Variants in RWDD2B observed in about 807,000 individuals in gnomAD.
The protein encoded by RWDD2B is RWD domain containing 2B, also known as RWD domain-containing protein 2B.
Under a neutral mutation model 33.6 loss-of-function variants are expected in RWDD2B, and 36 were observed. The observed-to-expected ratio is 1.07, with a 90% CI of 0.82 to 1.42. The LOEUF (loss-of-function observed/expected upper bound fraction) is 1.42. Ranked by LOEUF, RWDD2B falls within the 40% of genes most tolerant of loss-of-function variation. The pLI is 0.00. For synonymous variants in RWDD2B, 126 were observed against 133.1 expected (o/e 0.95, Z 0.37); for missense variants, 364 against 377.5 (o/e 0.96, Z 0.30).
In RWDD2B at chr21:29,004,387, C is replaced by T. The variant is rs1287273224; in HGVS notation, c.*2030G>A. 6.6e-6 allele frequency: 1 copy of T among 152,190 alleles called. No homozygotes were observed. The highest frequency in any genetic ancestry group is 1.5e-5 in the Non-Finnish European group (1 of 68,026). 9.4% of individuals were successfully genotyped at this position (152,190 alleles called of 1,614,324 possible). ...GAAAACTTATAAAACTACTCTGTTG[C>T]ATTCTATGTGTTTATGTGACATTTG... On this transcript the variant is annotated 3_prime_UTR_variant, in exon 5 of 5. Coordinates refer to ENST00000493196, the MANE Select transcript of RWDD2B (RefSeq NM_016940.3).
chr21:29,014,681 C>T (rs1191437048), intron 1 of RWDD2B, among the ~76,000 whole-genome samples: 3 of 152,034 alleles, frequency 2.0e-5, no homozygotes, highest in Admixed American at 6.6e-5. Context: ...ATTAGCCGGG[C>T]GTGGTGGCGG....
intron 1 of RWDD2B, among the ~76,000 whole-genome samples, chr21:29,008,872 A>G (rs979357269): frequency 3.3e-5 from 5 of 152,328 alleles, no homozygotes; most frequent in African/African-American, 1.2e-4. Context: ...AGTAGACACC[A>G]CATTCTTCTG....
intron 1 of RWDD2B, among the ~76,000 whole-genome samples, chr21:29,010,989 G>A (rs2084855150): frequency 6.6e-6 from 1 of 152,190 alleles, no homozygotes; most frequent in Non-Finnish European, 1.5e-5. Context: ...GCCCAGGCTG[G>A]AGTGCAGTGG....
intron 1 of RWDD2B, among the ~76,000 whole-genome samples, chr21:29,012,132 C>A (rs532817609): frequency 2.4e-4 from 35 of 145,010 alleles, no homozygotes; most frequent in African/African-American, 7.9e-4. Context: ...GGTCAGCCCC[C>A]CGCCCGGCCA....
Position 29,008,524 on chromosome 21 carries a change from C to T in RWDD2B, c.165G>A (p.Glu55=). 6.2e-7 allele frequency: 1 copy of T among 1,614,140 alleles called. No individual in the cohort carries two copies. The highest frequency in any genetic ancestry group is 8.5e-7 in the Non-Finnish European group (1 of 1,180,004). Reference sequence around the variant, plus strand: ...CAGCCAGCTGGTCATTCACTATGAGCTCATTCTCACCAGGGAACATACTGG... The same window carrying T: ...CAGCCAGCTGGTCATTCACTATGAGTTCATTCTCACCAGGGAACATACTGG... ...LLASMFPGEN[E]LIVNDQLAVA... is the part of the protein sequence containing the mutation. The change falls in exon 2 of 5, where the codon GAG becomes GAA. Residue 55 remains glutamate, a synonymous_variant. Transcript: ENST00000493196.
chr21:29,010,464 C>T (rs8127737), intron 1 of RWDD2B, among the ~76,000 whole-genome samples: 1 of 1,820 alleles, frequency 5.5e-4, no homozygotes, highest in African/African-American at 3.3e-3. Context: ...AACAAAATTA[C>T]CCGGGTGTGT....
In RWDD2B at chr21:29,019,323, C is replaced by A. The variant is rs772297005; in HGVS notation, c.-46G>T. 60 of 1,405,696 alleles carry A rather than the reference C, an allele frequency of 4.3e-5. No individual in the cohort carries two copies. The highest frequency in any genetic ancestry group is 6.1e-5 in the South Asian group (5 of 81,944). The allele number at this position is 1,405,696 out of a possible 1,614,324, so 87.1% of individuals were successfully genotyped here. On this transcript the variant is annotated 5_prime_UTR_variant, in exon 1 of 5. Transcript: ENST00000493196. The stretch of plus-strand genomic sequence containing the variant: ...CTAGCATACTGCGACCCAAAACTTA[C>A]AAACCGCCTCAGCTGGCGACCTACC...
intron 1 of RWDD2B, among the ~76,000 whole-genome samples, chr21:29,013,864 T>C (rs772886236): frequency 2.0e-5 from 3 of 152,130 alleles, no homozygotes; most frequent in Non-Finnish European, 4.4e-5. Flanking sequence ...TAAGGTTTGG[T>C]TGAGGACATC....
chr21:29,006,653 TGAAAA>T lies in RWDD2B; in HGVS notation c.726-7_726-3del, dbSNP rs776558927. 9.0e-6 allele frequency: 14 copies of T among 1,556,144 alleles called. No homozygotes were observed. Among genetic ancestry groups the T allele is most frequent in the African/African-American group, 6.8e-5 (5 of 73,132 alleles). On this transcript the variant is annotated splice_region_variant and splice_polypyrimidine_tract_variant and intron_variant, in intron 4 of 4. Transcript: ENST00000493196. ...CTCTTCCAGTTTAATTTTCTGAGTC[TGAAAA>T]GAAATTTCCAAAGTAAACATTTTCA...
At chr21:29,014,468 T>C (rs1242219239) in intron 1 of RWDD2B, among the ~76,000 whole-genome samples, 2 of 152,224 alleles carry the variant, frequency 1.3e-5, no homozygotes, top group Non-Finnish European at 2.9e-5. Context: ...TTCTAACACA[T>C]GAACTTTGGG....
Position 29,019,231 on chromosome 21 carries a change from C to T in RWDD2B, c.47G>A (p.Ser16Asn). The T allele has an allele frequency of 6.2e-7, 1 of 1,604,896 alleles. No homozygotes were observed. Residue 16 changes from serine (S) to asparagine (N), a missense_variant, in exon 1 of 5, where the codon AGT becomes AAT. Physicochemically the swap from Ser to Asn is conservative, Grantham distance 46. Transcript: ENST00000493196. ...SMQPWNPGYS[S>N]EGATAQETYT... ...CTCACCTTGAGCCGTGGCCCCCTCA[C>T]TGCTGTAACCCGGGTTCCATGGCTG... is the stretch of plus-strand genomic sequence containing the variant.
chr21:29,006,034 G>T lies in RWDD2B; in HGVS notation c.*383C>A, dbSNP rs1387744278. The T allele has an allele frequency of 6.2e-6, 1 of 162,214 alleles. No individual in the cohort carries two copies. Among genetic ancestry groups the T allele is most frequent in the Non-Finnish European group, 1.3e-5 (1 of 75,126 alleles). 10.0% of individuals were successfully genotyped at this position (162,214 alleles called of 1,614,324 possible). On this transcript the variant is annotated 3_prime_UTR_variant, in exon 5 of 5. Coordinates refer to ENST00000493196, the MANE Select transcript of RWDD2B (RefSeq NM_016940.3). The stretch of plus-strand genomic sequence containing the variant: ...CTGTGTCCTGAGGCCACTGAGAGTT[G>T]TTAGTTGCAACAGAGGCTGAAAGGG...
Position 29,005,337 on chromosome 21 carries a change from C to T in RWDD2B, c.*1080G>A, listed in dbSNP as rs2084823199. The stretch of plus-strand genomic sequence containing the variant: ...AAAAAGTGGGGAACTGCAAACTCCA[C>T]TTCAGAAAAACTTCACCTATTTGTG... On this transcript the variant is annotated 3_prime_UTR_variant, in exon 5 of 5. Coordinates refer to ENST00000493196, the MANE Select transcript of RWDD2B (RefSeq NM_016940.3). 6.6e-6 allele frequency: 1 copy of T among 152,218 alleles called. No homozygotes were observed. The highest frequency in any genetic ancestry group is 1.5e-5 in the Non-Finnish European group (1 of 68,048). 9.4% of individuals were successfully genotyped at this position (152,218 alleles called of 1,614,324 possible).
chr21:29,016,242 C>A (rs1165396737), intron 1 of RWDD2B, among the ~76,000 whole-genome samples: 2 of 151,842 alleles, frequency 1.3e-5, no homozygotes, highest in African/African-American at 4.8e-5. Context: ...GCAATGTTTT[C>A]TTTTGTTTTT....
chr21:29,016,413 C>T (rs11910748), intron 1 of RWDD2B, among the ~76,000 whole-genome samples: 7 of 152,122 alleles, frequency 4.6e-5, no homozygotes, highest in South Asian at 4.2e-4. Flanking sequence ...TACAGGCATG[C>T]GCCACCACAC....
intron 1 of RWDD2B, 24 bp downstream of exon 1, chr21:29,019,187 G>C (rs764804854): frequency 6.3e-7 from 1 of 1,578,082 alleles, no homozygotes; most frequent in Non-Finnish European, 8.6e-7. Context: ...GGTCACCACT[G>C]GCGCTAGCTG....
At chr21:29,011,581 G>A (rs1322435806) in intron 1 of RWDD2B, among the ~76,000 whole-genome samples, 3 of 148,090 alleles carry the variant, frequency 2.0e-5, no homozygotes, top group African/African-American at 2.5e-5. Context: ...CCTTCCGGGA[G>A]GGAGGTGGGG....
At chr21:29,012,429 G>C (rs2084868957) in intron 1 of RWDD2B, among the ~76,000 whole-genome samples, 1 of 152,150 alleles carries the variant, frequency 6.6e-6, no homozygotes, top group African/African-American at 2.4e-5. Flanking sequence ...TCTGTACTAA[G>C]AAAAATTCTT....
rs2146332769 is a variant in RWDD2B, at chr21:29,005,335, C to T, written c.*1082G>A. 1 of 152,200 alleles carries T rather than the reference C, an allele frequency of 6.6e-6. No individual in the cohort carries two copies. Among genetic ancestry groups the T allele is most frequent in the East Asian group, 1.9e-4 (1 of 5,202 alleles). 9.4% of individuals were successfully genotyped at this position (152,200 alleles called of 1,614,324 possible). The stretch of plus-strand genomic sequence containing the variant: ...ACAAAAAGTGGGGAACTGCAAACTC[C>T]ACTTCAGAAAAACTTCACCTATTTG... On this transcript the variant is annotated 3_prime_UTR_variant, in exon 5 of 5. Coordinates refer to ENST00000493196, the MANE Select transcript of RWDD2B (RefSeq NM_016940.3).
Sources: gnomAD v4.1 joint callset for allele counts (sites outside exome capture counted in the v4.1 genomes callset) on GRCh38, gnomAD v4.1.1 for gene constraint, MANE v1.5 for transcripts, NCBI Gene and HGNC (gene_info 2026-07-23, HGNC 2026-07-21) for gene names.